Variants in COX20 observed in about 807,000 individuals in gnomAD.
The protein encoded by COX20 is cytochrome c oxidase assembly protein COX20, mitochondrial.
In COX20, 14 loss-of-function variants were observed where a neutral mutation model predicts 14.3. That is an observed-to-expected ratio of 0.98 (90% CI 0.65 to 1.53). COX20 has a LOEUF of 1.53. COX20 is among the 40% of genes most tolerant of loss of function. COX20 has a pLI of 0.00. For missense variants in COX20, 149 were observed against 142.1 expected, an observed-to-expected ratio of 1.05 and a Z score of -0.25; for synonymous variants, 56 against 51.7, an observed-to-expected ratio of 1.08 and a Z score of -0.36.
In COX20 at chr1:244,843,265, T is replaced by TA. The variant is rs988209507; in HGVS notation, c.*92dup. The TA allele has an allele frequency of 1.4e-6, 2 of 1,421,772 alleles. No homozygotes were observed. The highest frequency in any genetic ancestry group is 1.9e-6 in the Non-Finnish European group (2 of 1,052,446). The allele number at this position is 1,421,772 out of a possible 1,614,324, so 88.1% of individuals were successfully genotyped here. ...TGCAATAAGCTCTCAATCAAGTAAA[T>TA]AAAGTTTAAGTTGTAGTCATTTTTT... On this transcript the variant is annotated 3_prime_UTR_variant, in exon 4 of 4. Transcript: ENST00000411948.
Position 244,843,355 on chromosome 1 carries a change from G to A in COX20, c.*179G>A, listed in dbSNP as rs1680291666. On this transcript the variant is annotated 3_prime_UTR_variant, in exon 4 of 4. Transcript: ENST00000411948. ...TGGCCCTGTGTCTACTGCCAGGATA[G>A]CATTCTTACGTGTTACATATAGTGG... is the stretch of plus-strand genomic sequence containing the variant. 3 of 609,380 alleles carry A rather than the reference G, an allele frequency of 4.9e-6. No homozygotes were observed. The highest frequency in any genetic ancestry group is 3.3e-5 in the East Asian group (1 of 30,402). 37.7% of individuals were successfully genotyped at this position (609,380 alleles called of 1,614,324 possible).
chr1:244,841,134 C>G (rs961667564), intron 1 of COX20: 8 of 152,106 alleles, frequency 5.3e-5, no homozygotes, highest in African/African-American at 1.9e-4. Flanking sequence ...ATACATAAAT[C>G]CAATGAAGAC....
intron 2 of COX20, 64 bp from the exon 3 acceptor site, chr1:244,842,131 T>TC (rs1680229588): frequency 2.7e-6 from 4 of 1,479,572 alleles, no homozygotes; most frequent in Admixed American, 1.7e-5. Context: ...TATTTTTTTT[T>TC]CTAGGTGGAG....
At chr1:244,835,380 G>C (rs1404013942), upstream of COX20, 2 of 279,732 alleles carry the variant, frequency 7.1e-6, no homozygotes, top group Non-Finnish European at 1.3e-5. Context: ...CGCGGGAAGC[G>C]GGGCTGTCTG....
chr1:244,842,022 T>C lies in COX20; in HGVS notation c.121T>C (p.Ser41Pro). 2 of 1,611,564 alleles carry C rather than the reference T, an allele frequency of 1.2e-6. No individual in the cohort carries two copies. The highest frequency in any genetic ancestry group is 1.7e-6 in the Non-Finnish European group (2 of 1,177,972). The change falls in exon 2 of 4, where the codon TCT (serine) becomes CCT (proline). Residue 41 changes from serine (S) to proline (P), a missense_variant. Coordinates refer to ENST00000411948, the MANE Select transcript of COX20 (RefSeq NM_198076.6). ...TTCAATATTGTATGGTTCATTAGGA[T>C]CTGTTGTGGCTGGCTTTGGACATTT... is the stretch of plus-strand genomic sequence containing the variant. The part of the protein sequence containing the change: ...RHSILYGSLG[S>P]VVAGFGHFLF...
chr1:244,843,041 G>A lies in COX20; in HGVS notation c.222G>A (p.Trp74Ter). The change falls in exon 4 of 4, where the codon TGG becomes TGA. Residue 74 changes from tryptophan to a stop codon, truncating the protein, a stop_gained and splice_region_variant. Transcript: ENST00000411948. LOFTEE classifies it high-confidence loss of function. ...GGFILVTLGC[W>*]FHCRYNYAKQ... ...TTTATTCATATTCTTTTCTTCTAAG[G>A]TTTCATTGTAGGTATAATTATGCAA... is the stretch of plus-strand genomic sequence containing the variant. 1 of 1,543,084 alleles carries A rather than the reference G, an allele frequency of 6.5e-7. No homozygotes were observed. The highest frequency in any genetic ancestry group is 8.7e-7 in the Non-Finnish European group (1 of 1,146,774).
At chr1:244,840,165 A>G (rs1295572504) in intron 1 of COX20, 1 of 152,238 alleles carries the variant, frequency 6.6e-6, no homozygotes, top group Non-Finnish European at 1.5e-5. Flanking sequence ...TAAAAAAATA[A>G]AATTTCCTAA....
At chr1:244,839,687 T>A (rs1680118011) in intron 1 of COX20, 1 of 152,238 alleles carries the variant, frequency 6.6e-6, no homozygotes, top group Admixed American at 6.5e-5. Flanking sequence ...TGCATATTCT[T>A]CCTGTTTTGA....
At chr1:244,836,522 T>C (rs548265545) in intron 1 of COX20, 24 of 1,550,086 alleles carry the variant, frequency 1.5e-5, no homozygotes, top group African/African-American at 5.5e-5. Context: ...TATTGGAAGG[T>C]AATAAATGAT....
intron 1 of COX20, 143 bp downstream of exon 1, chr1:244,835,899 T>C: frequency 1.6e-6 from 1 of 620,486 alleles, no homozygotes; most frequent in Non-Finnish European, 2.3e-6. Context: ...TCCTAGTCCT[T>C]ATCCCAAGCC....
rs200065889 is a variant in COX20 at position 244,843,038 on chromosome 1, A to G, written c.222-3A>G. The G allele has an allele frequency of 1.3e-6, 2 of 1,538,166 alleles. No individual in the cohort carries two copies. The highest frequency in any genetic ancestry group is 1.7e-6 in the Non-Finnish European group (2 of 1,143,596). On this transcript the variant is annotated splice_polypyrimidine_tract_variant and splice_region_variant and intron_variant, in intron 3 of 3. Transcript: ENST00000411948. ...CAATTTATTCATATTCTTTTCTTCT[A>G]AGGTTTCATTGTAGGTATAATTATG...
chr1:244,842,278 A>C lies in COX20; in HGVS notation c.221+20A>C, dbSNP rs747903927. ...ATGCTGGTATGTTTGCTAAGTATTC[A>C]AGAACATCCATGATTATAGTAGGTT... On this transcript the variant is annotated intron_variant, in intron 3 of 3. Coordinates refer to ENST00000411948, the MANE Select transcript of COX20 (RefSeq NM_198076.6). 20 of 1,532,610 alleles carry C rather than the reference A, an allele frequency of 1.3e-5. No homozygotes were observed. The highest frequency in any genetic ancestry group is 1.8e-5 in the Non-Finnish European group (20 of 1,105,872). 94.9% of individuals were successfully genotyped at this position (1,532,610 alleles called of 1,614,324 possible).
intron 1 of COX20, among the ~76,000 whole-genome samples, chr1:244,839,291 A>T (rs1218832195): frequency 6.6e-6 from 1 of 152,112 alleles, no homozygotes; most frequent in African/African-American, 2.4e-5. Flanking sequence ...TAGTGGTGGA[A>T]AATCAACTGT....
intron 1 of COX20, chr1:244,840,322 C>T (rs530422193): frequency 6.6e-4 from 100 of 152,280 alleles, no homozygotes; most frequent in African/African-American, 2.3e-3. Context: ...CTCACACTTG[C>T]ATCTTTGCAC....
intron 1 of COX20, among the ~76,000 whole-genome samples, chr1:244,839,190 G>C (rs1573311423): frequency 6.6e-6 from 1 of 151,776 alleles, no homozygotes; most frequent in South Asian, 2.1e-4. Flanking sequence ...GGGGAATCAA[G>C]TGCCCAAGTG....
intron 1 of COX20, among the ~76,000 whole-genome samples, chr1:244,838,313 CATTA>C (rs1365475606): frequency 2.6e-5 from 4 of 152,134 alleles, no homozygotes; most frequent in Non-Finnish European, 5.9e-5. Context: ...AAGTGTCATT[CATTA>C]AGCAGATGAA....
rs1680328907 is a variant in COX20 at position 244,844,103 on chromosome 1, G to C, written c.*927G>C. 1 of 152,226 alleles carries C rather than the reference G, an allele frequency of 6.6e-6. No homozygotes were observed. The highest frequency in any genetic ancestry group is 1.5e-5 in the Non-Finnish European group (1 of 68,028). The allele number at this position is 152,226 out of a possible 1,614,324, so 9.4% of individuals were successfully genotyped here. ...GAAGGTAACAGCAGTCAACAGGATT[G>C]TGGCCATTACTGGTCCTATTATTTT... On this transcript the variant is annotated 3_prime_UTR_variant, in exon 4 of 4. Transcript: ENST00000411948.
intron 2 of COX20, 48 bp downstream of exon 2, chr1:244,842,106 C>A: frequency 6.6e-7 from 1 of 1,513,046 alleles, no homozygotes; most frequent in Non-Finnish European, 9.2e-7. Flanking sequence ...AAAAGCATTT[C>A]TCTACATAAT....
chr1:244,836,591 C>T, intron 1 of COX20: 2 of 1,272,916 alleles, frequency 1.6e-6, no homozygotes, highest in South Asian at 1.3e-5. Context: ...TTTATATCCT[C>T]AGGGCAGAAC....
Sources: allele counts gnomAD v4.1 joint callset (sites outside exome capture counted in the v4.1 genomes callset), GRCh38; gene constraint gnomAD v4.1.1; transcripts MANE v1.5; gene names NCBI Gene and HGNC (gene_info 2026-07-23, HGNC 2026-07-21).